C12orf56: variants seen among roughly 807,000 people sequenced by gnomAD.
The protein encoded by C12orf56 is chromosome 12 open reading frame 56, also known as uncharacterized protein C12orf56.
A neutral mutation model predicts 69.9 loss-of-function variants in C12orf56; 71 were observed. That is an observed-to-expected ratio of 1.02 (90% CI 0.84 to 1.24). C12orf56 has a LOEUF of 1.24. Ranked by LOEUF, C12orf56 falls within the 50% of genes most tolerant of loss-of-function variation. The probability of loss-of-function intolerance (pLI) is 0.00; values close to 1 mark genes in which losing one functional copy is unlikely to be tolerated. For missense variants in C12orf56, 732 were observed against 738.5 expected (o/e 0.99, Z 0.10); for synonymous variants, 276 against 274.1 (o/e 1.01, Z -0.07).
In C12orf56 at chr12:64,285,995, C is replaced by G. The variant is rs2038196135; in HGVS notation, c.1179G>C (p.Lys393Asn). ...LHEYLPESRDKNALQNQSQRV... is the reference protein window; with the variant it reads ...LHEYLPESRDNNALQNQSQRV... ...TTTGGCTTTGATTTTGTAGTGCATT[C>G]TTATCCCTAGACTCCGGCAAGTACT... Residue 393 changes from lysine to asparagine, a missense_variant, in exon 7 of 13, where the codon AAG becomes AAC. Lys to Asn is a moderately conservative substitution (Grantham distance 94). Transcript: ENST00000543942. 1.2e-6 allele frequency: 2 copies of G among 1,610,766 alleles called. No homozygotes were observed. Among genetic ancestry groups the G allele is most frequent in the African/African-American group, 2.7e-5 (2 of 74,670 alleles).
chr12:64,365,963 T>A (rs1344306703), intron 1 of C12orf56, among the ~76,000 whole-genome samples: 14 of 130,380 alleles, frequency 1.1e-4, no homozygotes, highest in Non-Finnish European at 2.0e-4. Context: ...TTGTATATAG[T>A]GTATATAATA....
intron 12 of C12orf56, among the ~76,000 whole-genome samples, chr12:64,268,703 T>A (rs887297998): frequency 2.6e-5 from 4 of 152,130 alleles, no homozygotes; most frequent in Non-Finnish European, 1.5e-5. Context: ...TTTCATACTA[T>A]GTGAAATTTA....
At chr12:64,385,049 T>C (rs1337452334) in intron 1 of C12orf56, among the ~76,000 whole-genome samples, 1 of 145,568 alleles carries the variant, frequency 6.9e-6, no homozygotes, top group African/African-American at 2.6e-5. Flanking sequence ...GCGAGACTCC[T>C]GCTCAAAAAA....
chr12:64,390,284 C>A (rs770674395), intron 1 of C12orf56, 30 bp downstream of exon 1: 1 of 1,575,442 alleles, frequency 6.3e-7, no homozygotes, highest in East Asian at 2.3e-5. Flanking sequence ...ACTGCGCTCC[C>A]GAGCCCGCCT....
intron 11 of C12orf56, 126 bp from the exon 12 acceptor site, chr12:64,270,840 T>A: frequency 1.3e-6 from 1 of 747,798 alleles, no homozygotes; most frequent in Non-Finnish European, 2.1e-6. Flanking sequence ...GTTGCAATGT[T>A]CCTTATTGAA....
intron 3 of C12orf56, among the ~76,000 whole-genome samples, chr12:64,330,389 A>T (rs71467177): frequency 5.7e-4 from 86 of 152,152 alleles, no homozygotes; most frequent in Non-Finnish European, 1.1e-3. Context: ...CTCCTCTCCC[A>T]CTATTCCTCC....
At chr12:64,346,623 A>G (rs2039146554) in intron 2 of C12orf56, among the ~76,000 whole-genome samples, 1 of 152,130 alleles carries the variant, frequency 6.6e-6, no homozygotes, top group South Asian at 2.1e-4. Flanking sequence ...GTCCCTCTCC[A>G]TCCCAGGAGG....
At chr12:64,284,813 C>A in intron 7 of C12orf56, 60 bp from the exon 8 acceptor site, 2 of 1,309,448 alleles carry the variant, frequency 1.5e-6, no homozygotes, top group Non-Finnish European at 1.0e-6. Context: ...GCTCAGAATT[C>A]CACAAAAGTA....
chr12:64,277,770 A>G lies in C12orf56; in HGVS notation c.1344T>C (p.Ile448=). 1.2e-6 allele frequency: 2 copies of G among 1,603,290 alleles called. No individual in the cohort carries two copies. The highest frequency in any genetic ancestry group is 1.7e-6 in the Non-Finnish European group (2 of 1,173,730). The change falls in exon 9 of 13, where the codon ATT becomes ATC. Residue 448 remains isoleucine, a synonymous_variant. Transcript: ENST00000543942. ...AAGATTTTGGAATCTGAGGCTCACT[A>G]ATTAAAATTACCAAGAGATTAAATA... ...GALFNLLVIL[I]SEPQIPKSCP... is the part of the protein sequence containing the mutation.
At chr12:64,384,700 T>C (rs765164673) in intron 1 of C12orf56, among the ~76,000 whole-genome samples, 2 of 152,168 alleles carry the variant, frequency 1.3e-5, no homozygotes, top group African/African-American at 2.4e-5. Context: ...TGAGATGGAT[T>C]TGAAGGACAG....
In C12orf56 at chr12:64,303,811, A is replaced by G. The variant is rs776041900; in HGVS notation, c.969-32T>C. 1.9e-5 allele frequency: 30 copies of G among 1,550,766 alleles called. No individual in the cohort carries two copies. The South Asian group carries it at 3.6e-4, about 19-fold the overall frequency. ...AAACAGAAGAAAATTTTCCACTTAA[A>G]AAAATGGTAAGACATAGCAGTTTAG... On this transcript the variant is annotated intron_variant, in intron 5 of 12. Transcript: ENST00000543942.
intron 4 of C12orf56, 80 bp downstream of exon 4, chr12:64,318,495 A>T: frequency 8.0e-7 from 1 of 1,250,452 alleles, no homozygotes; most frequent in Non-Finnish European, 1.1e-6. Context: ...ATGGGAGGTA[A>T]AGGAGGGAGG....
intron 1 of C12orf56, among the ~76,000 whole-genome samples, chr12:64,385,070 A>T (rs2039771625): frequency 6.6e-6 from 1 of 151,736 alleles, no homozygotes; most frequent in South Asian, 2.1e-4. Context: ...AAAAAAAAAA[A>T]GTGTCTAACC....
chr12:64,375,273 T>C (rs887111017), intron 1 of C12orf56, among the ~76,000 whole-genome samples: 6 of 152,108 alleles, frequency 3.9e-5, no homozygotes, highest in African/African-American at 9.7e-5. Context: ...CAGGCTGGTC[T>C]TGAACTCCTG....
intron 2 of C12orf56, among the ~76,000 whole-genome samples, chr12:64,343,184 C>T (rs1229956311): frequency 6.6e-6 from 1 of 152,160 alleles, no homozygotes; most frequent in African/African-American, 2.4e-5. Flanking sequence ...CGACAGGCCC[C>T]ACACCACTGG....
At chr12:64,321,309 C>G (rs1159367212) in intron 3 of C12orf56, among the ~76,000 whole-genome samples, 1 of 152,088 alleles carries the variant, frequency 6.6e-6, no homozygotes, top group Admixed American at 6.6e-5. Flanking sequence ...TCTTCTCTCT[C>G]CCATAAGATT....
At chr12:64,285,101 G>A (rs572501408) in intron 7 of C12orf56, among the ~76,000 whole-genome samples, 20 of 151,686 alleles carry the variant, frequency 1.3e-4, no homozygotes, top group African/African-American at 4.4e-4. Flanking sequence ...AGTTAGCTGA[G>A]TGTGGAGCTC....
intron 12 of C12orf56, among the ~76,000 whole-genome samples, chr12:64,268,114 C>A (rs186888220): frequency 6.6e-6 from 1 of 152,280 alleles, no homozygotes; most frequent in East Asian, 1.9e-4. Context: ...TTTAGGGATG[C>A]TCAACCTGTA....
intron 3 of C12orf56, among the ~76,000 whole-genome samples, chr12:64,323,434 T>C (rs1172041763): frequency 2.0e-5 from 3 of 152,348 alleles, no homozygotes; most frequent in African/African-American, 7.2e-5. Context: ...ATCTGTTGAA[T>C]GAATACTGAA....
Sources: gnomAD v4.1 joint callset for allele counts (sites outside exome capture counted in the v4.1 genomes callset) on GRCh38, gnomAD v4.1.1 for gene constraint, MANE v1.5 for transcripts, NCBI Gene and HGNC (gene_info 2026-07-23, HGNC 2026-07-21) for gene names.